The following PTGFRN variants were observed in gnomAD, a reference collection of about 807,000 sequenced individuals.
The protein encoded by PTGFRN is prostaglandin F2 receptor negative regulator.
Under a neutral mutation model 83.2 loss-of-function variants are expected in PTGFRN, and 35 were observed. That is an observed-to-expected ratio of 0.42 (90% CI 0.32 to 0.56). The LOEUF is 0.56. PTGFRN is among the 20% of genes least tolerant of loss of function. The pLI, the probability that PTGFRN is intolerant of heterozygous loss-of-function variation, is 0.11. For synonymous variants in PTGFRN, 519 were observed against 498.6 expected, an observed-to-expected ratio of 1.04 and a Z score of -0.55; for missense variants, 1,051 against 1,179.5, an observed-to-expected ratio of 0.89 and a Z score of 1.60.
chr1:116,922,659 A>T (rs993048362), intron 1 of PTGFRN, among the ~76,000 whole-genome samples: 11 of 152,222 alleles, frequency 7.2e-5, no homozygotes, highest in Admixed American at 1.3e-4. Flanking sequence ...AAAGGTAGTT[A>T]TCATGCAGCA....
Position 116,944,983 on chromosome 1 carries a change from C to A in PTGFRN, c.723C>A (p.Asp241Glu), listed in dbSNP as rs757808864. ...CAGTGTCCCGGGCTCTGTCTGCCGA[C>A]CAGGGCTCCTACAGGTGTATCGTCA... ...RLSVSRALSA[D>E]QGSYRCIVSE... Residue 241 changes from aspartate to glutamate, a missense_variant, in exon 3 of 9, where the codon GAC becomes GAA. By Grantham distance (45) the Asp-to-Glu change is conservative. Around this residue, in one of 3 missense-constraint regions of PTGFRN, gnomAD observed 205 missense variants for 174.5 expected, o/e 1.17. Transcript: ENST00000393203. 2 of 1,613,858 alleles carry A rather than the reference C, an allele frequency of 1.2e-6. No individual in the cohort carries two copies. Among genetic ancestry groups the A allele is most frequent in the Non-Finnish European group, 1.7e-6 (2 of 1,180,030 alleles).
intron 6 of PTGFRN, among the ~76,000 whole-genome samples, chr1:116,971,813 T>G (rs1464136267): frequency 1.3e-5 from 2 of 152,148 alleles, no homozygotes; most frequent in African/African-American, 4.8e-5. Flanking sequence ...AAAGTGAAAT[T>G]TGTTCGAATT....
At chr1:116,910,906 C>T (rs1649255533) in intron 1 of PTGFRN, among the ~76,000 whole-genome samples, 1 of 152,188 alleles carries the variant, frequency 6.6e-6, no homozygotes, top group South Asian at 2.1e-4. Context: ...TACACAAAGA[C>T]CTAAAAGCCT....
chr1:116,916,874 A>G (rs1381013122), intron 1 of PTGFRN, among the ~76,000 whole-genome samples: 2 of 152,114 alleles, frequency 1.3e-5, no homozygotes, highest in Non-Finnish European at 2.9e-5. Context: ...TCTGCCCTCA[A>G]AGAGTTGGAC....
chr1:116,942,155 GT>G, intron 2 of PTGFRN, 72 bp downstream of exon 2: 1 of 1,514,746 alleles, frequency 6.6e-7, no homozygotes, highest in African/African-American at 1.4e-5. Flanking sequence ...GGTGGACTTT[GT>G]CAAGAGACTT....
In PTGFRN at chr1:116,944,996, A is replaced by C. The variant is rs780333194; in HGVS notation, c.736A>C (p.Arg246=). 5 of 1,613,836 alleles carry C rather than the reference A, an allele frequency of 3.1e-6. No homozygotes were observed. Among genetic ancestry groups the C allele is most frequent in the Non-Finnish European group, 4.2e-6 (5 of 1,180,018 alleles). The change falls in exon 3 of 9, where the codon AGG becomes CGG. Residue 246 remains arginine (R), a synonymous_variant. Transcript: ENST00000393203. The part of the protein sequence containing the change: ...RALSADQGSY[R]CIVSEWIAEQ... ...TCTGTCTGCCGACCAGGGCTCCTACAGGTGTATCGTCAGCGAGTGGATCGC... is the reference window on the plus strand; with the variant it reads ...TCTGTCTGCCGACCAGGGCTCCTACCGGTGTATCGTCAGCGAGTGGATCGC...
chr1:116,956,637 C>T (rs116812278), intron 4 of PTGFRN, among the ~76,000 whole-genome samples: 2,129 of 152,294 alleles, frequency 0.014, 58 homozygotes, highest in African/African-American at 0.049. Context: ...GCAGTGGGTG[C>T]TGCGGCTGGG....
intron 5 of PTGFRN, among the ~76,000 whole-genome samples, chr1:116,963,231 T>C (rs1317531834): frequency 2.0e-5 from 3 of 152,258 alleles, no homozygotes; most frequent in South Asian, 2.1e-4. Context: ...GTGGGAATTA[T>C]TCTGCATTTC....
intron 4 of PTGFRN, among the ~76,000 whole-genome samples, chr1:116,956,786 GTTA>G (rs1186008885): frequency 2.0e-5 from 3 of 152,206 alleles, no homozygotes; most frequent in East Asian, 1.9e-4. Context: ...ATGGGAGGTT[GTTA>G]TTATAGTCTT....
chr1:116,932,578 C>A (rs1414732809), intron 1 of PTGFRN, among the ~76,000 whole-genome samples: 1 of 151,960 alleles, frequency 6.6e-6, no homozygotes, highest in Non-Finnish European at 1.5e-5. Context: ...AAAGGTAGTA[C>A]ATCAGAAAAA....
At chr1:116,985,330 G>T (rs932246209) in intron 8 of PTGFRN, among the ~76,000 whole-genome samples, 2 of 152,200 alleles carry the variant, frequency 1.3e-5, no homozygotes, top group Admixed American at 1.3e-4. Context: ...AGCCTTGAGA[G>T]AGAGGGCTCA....
At chr1:116,969,021 T>C (rs1257469038) in intron 6 of PTGFRN, among the ~76,000 whole-genome samples, 1 of 152,174 alleles carries the variant, frequency 6.6e-6, no homozygotes, top group Non-Finnish European at 1.5e-5. Context: ...CATTATTATT[T>C]GAAAGTATCT....
At chr1:116,982,524 T>C (rs1338779868) in intron 7 of PTGFRN, among the ~76,000 whole-genome samples, 1 of 152,130 alleles carries the variant, frequency 6.6e-6, no homozygotes, top group African/African-American at 2.4e-5. Flanking sequence ...ACTTTGGCCC[T>C]TCTGAGGCAG....
intron 6 of PTGFRN, among the ~76,000 whole-genome samples, 158 bp downstream of exon 6, chr1:116,967,488 T>C (rs1335187057): frequency 6.6e-6 from 1 of 152,234 alleles, no homozygotes; most frequent in African/African-American, 2.4e-5. Context: ...TTTTCATATA[T>C]TCACAAAGTT....
chr1:116,920,691 T>C (rs1649513782), intron 1 of PTGFRN, among the ~76,000 whole-genome samples: 1 of 152,204 alleles, frequency 6.6e-6, no homozygotes, highest in South Asian at 2.1e-4. Flanking sequence ...TGGGGCAATC[T>C]TGGCTCATTG....
rs551262024 is a variant in PTGFRN, at chr1:116,929,131, C to A, written c.50-12584C>A. On this transcript the variant is annotated intron_variant, in intron 1 of 8. Coordinates refer to ENST00000393203, the MANE Select transcript of PTGFRN (RefSeq NM_020440.4). ...ACTTTGCTGTCTCAGTAAGTGGCAT[C>A]ACCCTGTATGCCAGATGCTCAAGCC... is the stretch of plus-strand genomic sequence containing the variant. Among the ~76,000 whole-genome samples the A allele has an allele frequency of 2.0e-5, 3 of 152,224 alleles. No homozygotes were observed. In the South Asian group the frequency reaches 6.2e-4, roughly 32 times the overall value.
Position 116,974,340 on chromosome 1 carries a change from TCACC to T in PTGFRN, c.2167+19_2167+22del. On this transcript the variant is annotated intron_variant, in intron 7 of 8. Transcript: ENST00000393203. The stretch of plus-strand genomic sequence containing the variant: ...TGGATCCAGGTACCTCACTCCATCC[TCACC>T]CCTTCACCATGTTGCTTTCTGTAAA... 2.0e-6 allele frequency: 3 copies of T among 1,521,314 alleles called. No homozygotes were observed. Among genetic ancestry groups the T allele is most frequent in the Non-Finnish European group, 2.7e-6 (3 of 1,096,974 alleles). The allele number at this position is 1,521,314 out of a possible 1,614,324, so 94.2% of individuals were successfully genotyped here.
At chr1:116,946,468 C>G (rs186005955) in intron 3 of PTGFRN, among the ~76,000 whole-genome samples, 1 of 152,318 alleles carries the variant, frequency 6.6e-6, no homozygotes, top group African/African-American at 2.4e-5. Context: ...TAAGAAACCT[C>G]TAGATATTAA....
At chr1:116,944,642 G>T in intron 2 of PTGFRN, 37 bp from the exon 3 acceptor site, 1 of 1,376,894 alleles carries the variant, frequency 7.3e-7, no homozygotes, top group Non-Finnish European at 9.4e-7. Flanking sequence ...TGGGGTCGGT[G>T]TGGACGGGCT....
Sources: allele counts gnomAD v4.1 joint callset (sites outside exome capture counted in the v4.1 genomes callset), GRCh38; gene constraint gnomAD v4.1.1; regional missense constraint gnomAD v4.1.1; transcripts MANE v1.5; gene names NCBI Gene and HGNC (gene_info 2026-07-23, HGNC 2026-07-21).